OPCML: variants seen among roughly 807,000 people sequenced by gnomAD.
The protein encoded by OPCML is opioid-binding protein/cell adhesion molecule.
In OPCML, 13 loss-of-function variants were observed where a neutral mutation model predicts 37.8. That is an observed-to-expected ratio of 0.34 (90% CI 0.22 to 0.55). The LOEUF is 0.55. Among genes scored for constraint, OPCML ranks in the 20% least tolerant of loss-of-function variants. The probability of loss-of-function intolerance (pLI) is 0.91; values close to 1 mark genes in which losing one functional copy is unlikely to be tolerated. For missense variants in OPCML, 341 were observed against 435.6 expected, an observed-to-expected ratio of 0.78 and a Z score of 1.93; for synonymous variants, 176 against 168.8, an observed-to-expected ratio of 1.04 and a Z score of -0.33.
chr11:132,504,557 A>T (rs1310786857), intron 4 of OPCML, among the ~76,000 whole-genome samples: 2 of 152,022 alleles, frequency 1.3e-5, no homozygotes, highest in African/African-American at 4.8e-5. Context: ...TGGAGGATCC[A>T]CTTGGAAGTG....
intron 1 of OPCML, among the ~76,000 whole-genome samples, chr11:133,116,005 T>C (rs1424308236): frequency 6.6e-6 from 1 of 152,184 alleles, no homozygotes; most frequent in African/African-American, 2.4e-5. Context: ...GGTCTCGCTC[T>C]GTCACCCAGG....
chr11:132,903,810 C>A lies in OPCML; in HGVS notation c.146+39116G>T, dbSNP rs76919147. Among the ~76,000 whole-genome samples, 1,041 of 152,310 alleles carry A rather than the reference C, an allele frequency of 6.8e-3. 13 individuals carry two copies. Among genetic ancestry groups the A allele is most frequent in the African/African-American group, 0.024 (1,000 of 41,568 alleles). On this transcript the variant is annotated intron_variant, in intron 2 of 7. Coordinates refer to ENST00000524381, the MANE Select transcript of OPCML (RefSeq NM_001012393.5). ...AACCTTTCCCCTCACTGCTATTCTACCTTCTCCCTCTGTTATTTAAGGGGA... is the reference window on the plus strand; with the variant it reads ...AACCTTTCCCCTCACTGCTATTCTAACTTCTCCCTCTGTTATTTAAGGGGA...
chr11:133,069,018 T>G (rs1438240478), intron 1 of OPCML, among the ~76,000 whole-genome samples: 1 of 152,206 alleles, frequency 6.6e-6, no homozygotes, highest in African/African-American at 2.4e-5. Flanking sequence ...TGGAGCTAGA[T>G]GGATCAGATC....
At chr11:132,501,638 C>G (rs1180000787) in intron 4 of OPCML, among the ~76,000 whole-genome samples, 1 of 152,176 alleles carries the variant, frequency 6.6e-6, no homozygotes, top group Non-Finnish European at 1.5e-5. Flanking sequence ...CCATAATAGT[C>G]ATATGGTTGC....
intron 1 of OPCML, among the ~76,000 whole-genome samples, chr11:133,104,459 A>G (rs1434019386): frequency 6.6e-6 from 1 of 152,224 alleles, no homozygotes; most frequent in Non-Finnish European, 1.5e-5. Context: ...TTTATAAAAC[A>G]AGTTATTTAG....
chr11:132,640,015 G>C (rs912704578), intron 3 of OPCML, among the ~76,000 whole-genome samples: 2 of 152,136 alleles, frequency 1.3e-5, no homozygotes, highest in Non-Finnish European at 2.9e-5. Flanking sequence ...CCTTCCTAAC[G>C]TTAGAGAAGT....
At chr11:132,799,658 C>G (rs1202962872) in intron 2 of OPCML, among the ~76,000 whole-genome samples, 1 of 151,448 alleles carries the variant, frequency 6.6e-6, no homozygotes. Flanking sequence ...AGACATTAAG[C>G]GAGCACATAC....
intron 1 of OPCML, among the ~76,000 whole-genome samples, chr11:133,194,081 T>C (rs1388386100): frequency 6.6e-6 from 1 of 152,192 alleles, no homozygotes; most frequent in East Asian, 1.9e-4. Context: ...TGTTGCCTAG[T>C]TGAGGTTAGG....
At chr11:133,105,374 A>C (rs1347072879) in intron 1 of OPCML, among the ~76,000 whole-genome samples, 2 of 152,218 alleles carry the variant, frequency 1.3e-5, no homozygotes, top group Non-Finnish European at 2.9e-5. Context: ...TACAAAAAAA[A>C]GATTTTCTAG....
intron 1 of OPCML, among the ~76,000 whole-genome samples, chr11:133,139,144 A>T (rs1027232431): frequency 6.6e-6 from 1 of 152,236 alleles, no homozygotes; most frequent in Admixed American, 6.5e-5. Context: ...ACTGAAATGC[A>T]CTTATTATGG....
chr11:132,807,840 G>C (rs1939104086), intron 2 of OPCML, among the ~76,000 whole-genome samples: 1 of 152,160 alleles, frequency 6.6e-6, no homozygotes, highest in South Asian at 2.1e-4. Context: ...ATTCATTCAA[G>C]GATGGATTAA....
intron 1 of OPCML, among the ~76,000 whole-genome samples, chr11:133,457,848 C>G (rs1159642067): frequency 2.0e-5 from 3 of 152,028 alleles, no homozygotes; most frequent in Non-Finnish European, 2.9e-5. Flanking sequence ...AAAACTCTGT[C>G]AAAATACAAA....
intron 1 of OPCML, among the ~76,000 whole-genome samples, chr11:133,002,987 A>C (rs868158035): frequency 2.6e-5 from 4 of 152,176 alleles, no homozygotes; most frequent in South Asian, 4.1e-4. Flanking sequence ...TAAAAGTCAC[A>C]GTGACTTTTC....
At chr11:133,165,243 C>A (rs574685271) in intron 1 of OPCML, among the ~76,000 whole-genome samples, 18 of 152,238 alleles carry the variant, frequency 1.2e-4, no homozygotes, top group African/African-American at 4.3e-4. Flanking sequence ...CGCACTGGGA[C>A]GAGGGTTTTC....
chr11:133,402,373 C>T (rs1386157732), intron 1 of OPCML, among the ~76,000 whole-genome samples: 1 of 152,228 alleles, frequency 6.6e-6, no homozygotes, highest in Admixed American at 6.5e-5. Flanking sequence ...ATTGTTGCAT[C>T]GGGGATTTAG....
intron 1 of OPCML, chr11:133,009,084 G>A (rs1201491940): frequency 1.0e-5 from 10 of 985,198 alleles, no homozygotes; most frequent in East Asian, 2.3e-4. Context: ...TGTATGGGCA[G>A]GTTTAGTGAG....
chr11:133,485,485 C>T (rs1283588968), intron 1 of OPCML, among the ~76,000 whole-genome samples: 1 of 152,142 alleles, frequency 6.6e-6, no homozygotes, highest in Non-Finnish European at 1.5e-5. Context: ...TTCTTCTCAT[C>T]TTATTGGAGA....
intron 1 of OPCML, among the ~76,000 whole-genome samples, chr11:133,171,307 C>A (rs957881596): frequency 6.6e-6 from 1 of 152,166 alleles, no homozygotes; most frequent in Non-Finnish European, 1.5e-5. Context: ...CTCTTCTTGT[C>A]CACTTTTCCA....
At chr11:133,457,793 A>G (rs1946704342) in intron 1 of OPCML, among the ~76,000 whole-genome samples, 1 of 152,174 alleles carries the variant, frequency 6.6e-6, no homozygotes, top group Non-Finnish European at 1.5e-5. Flanking sequence ...CTTGTTCCAG[A>G]AGAAATGCTA....
Sources: gnomAD v4.1 joint callset for allele counts (sites outside exome capture counted in the v4.1 genomes callset) on GRCh38, gnomAD v4.1.1 for gene constraint, MANE v1.5 for transcripts, NCBI Gene and HGNC (gene_info 2026-07-23, HGNC 2026-07-21) for gene names.